Variants in PISD observed in about 807,000 individuals in gnomAD.
PISD encodes phosphatidylserine decarboxylase, also known as phosphatidylserine decarboxylase proenzyme, mitochondrial.
Under a neutral mutation model 43.5 loss-of-function variants are expected in PISD, and 31 were observed. That is an observed-to-expected ratio of 0.71 (90% CI 0.54 to 0.96). The LOEUF (loss-of-function observed/expected upper bound fraction) is 0.96, where lower values mean the gene tolerates loss of function less well. Ranked by LOEUF, PISD falls within the 40% of genes least tolerant of loss-of-function variation. The probability of loss-of-function intolerance (pLI) is 0.00; values close to 1 mark genes in which losing one functional copy is unlikely to be tolerated. For missense variants in PISD, 523 were observed against 548.4 expected (o/e 0.95, Z 0.46); for synonymous variants, 259 against 228.7 (o/e 1.13, Z -1.20).
chr22:31,637,155 A>T (rs1362705745), intron 3 of PISD, among the ~76,000 whole-genome samples: 4 of 44,794 alleles, frequency 8.9e-5, no homozygotes, highest in Non-Finnish European at 1.7e-4. Context: ...AAAAAAAAAA[A>T]AAAAAAAAAA....
intron 3 of PISD, among the ~76,000 whole-genome samples, chr22:31,646,549 T>C (rs1601426132): frequency 6.6e-6 from 1 of 152,232 alleles, no homozygotes; most frequent in Non-Finnish European, 1.5e-5. Flanking sequence ...TCCAAATTTA[T>C]ATTCTTTTGG....
intron 3 of PISD, among the ~76,000 whole-genome samples, chr22:31,646,997 T>G (rs550067635): frequency 7.1e-4 from 108 of 152,180 alleles, no homozygotes; most frequent in African/African-American, 2.4e-3. Context: ...CATAGCTGGA[T>G]CTGTATGGCC....
At chr22:31,648,335 C>T (rs1283587848) in intron 2 of PISD, 59 bp from the exon 3 acceptor site, 6 of 1,438,154 alleles carry the variant, frequency 4.2e-6, no homozygotes, top group Non-Finnish European at 5.7e-6. Context: ...AAGAGTCATG[C>T]AAACACAGCA....
intron 1 of PISD, among the ~76,000 whole-genome samples, chr22:31,654,210 T>C (rs1453714598): frequency 6.6e-6 from 1 of 152,180 alleles, no homozygotes; most frequent in Non-Finnish European, 1.5e-5. Flanking sequence ...ATGACACAGT[T>C]GATCCTTCTC....
intron 3 of PISD, among the ~76,000 whole-genome samples, chr22:31,644,754 A>G (rs1334276821): frequency 6.6e-6 from 1 of 152,228 alleles, no homozygotes; most frequent in Non-Finnish European, 1.5e-5. Context: ...ATCCAAAATC[A>G]GAGACTTTTT....
chr22:31,625,060 A>C (rs189343115), intron 3 of PISD, among the ~76,000 whole-genome samples: 1 of 152,314 alleles, frequency 6.6e-6, no homozygotes, highest in East Asian at 1.9e-4. Flanking sequence ...CATTTAGCTA[A>C]TCTACGGCTG....
intron 2 of PISD, among the ~76,000 whole-genome samples, chr22:31,649,143 C>A (rs901395858): frequency 6.6e-6 from 1 of 152,084 alleles, no homozygotes; most frequent in African/African-American, 2.4e-5. Flanking sequence ...TTGCTTGAAC[C>A]CAGGAGTTCA....
At chr22:31,624,743 A>C (rs2072790849) in intron 3 of PISD, among the ~76,000 whole-genome samples, 1 of 149,824 alleles carries the variant, frequency 6.7e-6, no homozygotes, top group African/African-American at 2.5e-5. Context: ...ACACACACAC[A>C]CACACACACA....
chr22:31,635,168 A>AAAAACAAAAC (rs75918790), intron 3 of PISD, among the ~76,000 whole-genome samples: 54 of 151,990 alleles, frequency 3.6e-4, no homozygotes, highest in African/African-American at 1.1e-3. Flanking sequence ...CTCCGTCTCA[A>AAAAACAAAAC]AAAACAAAAC....
intron 3 of PISD, chr22:31,628,017 A>C (rs1402343947): frequency 1.0e-6 from 1 of 985,098 alleles, no homozygotes; most frequent in Non-Finnish European, 1.2e-6. Context: ...CAGTGAGCCC[A>C]GTGAGGGCAG....
intron 5 of PISD, 37 bp from the exon 6 acceptor site, chr22:31,621,179 AGTGAGCACCCAGCACG>A: frequency 6.2e-7 from 1 of 1,613,634 alleles, no homozygotes; most frequent in Non-Finnish European, 8.5e-7. Context: ...CCACCAACAC[AGTGAGCACCCAGCACG>A]GAGCCCGAGT....
intron 3 of PISD, among the ~76,000 whole-genome samples, chr22:31,646,082 G>GT (rs2073880584): frequency 6.6e-6 from 1 of 151,954 alleles, no homozygotes; most frequent in South Asian, 2.1e-4. Flanking sequence ...CTCATAAAAT[G>GT]AAGTGTTGGA....
intron 7 of PISD, among the ~76,000 whole-genome samples, 174 bp from the exon 8 acceptor site, chr22:31,620,010 A>C (rs1309985822): frequency 6.6e-6 from 1 of 152,178 alleles, no homozygotes; most frequent in Non-Finnish European, 1.5e-5. Flanking sequence ...CTCTAGCCAG[A>C]TCTCACACAC....
chr22:31,619,940 A>G, intron 7 of PISD, 104 bp from the exon 8 acceptor site: 1 of 741,670 alleles, frequency 1.3e-6, no homozygotes, highest in Non-Finnish European at 2.2e-6. Context: ...TGTCCCCACC[A>G]CCACCCAACC....
At chr22:31,644,949 CCT>C (rs904409971) in intron 3 of PISD, among the ~76,000 whole-genome samples, 42 of 152,064 alleles carry the variant, frequency 2.8e-4, no homozygotes, top group African/African-American at 8.4e-4. Context: ...AGGGTGAACC[CCT>C]GTCTCTACTA....
At position 31,630,979 on chromosome 22, in the gene PISD, C is replaced by G. The variant is rs903275656; in HGVS notation, c.322-9094G>C. ...CCGCCCCCTCTGAGCCCCAGTCCTG[C>G]TGGGCCGTCCGCCCAACCCGAGGGC... On this transcript the variant is annotated intron_variant, in intron 3 of 7. Coordinates refer to ENST00000439502, the MANE Select transcript of PISD (RefSeq NM_001326411.2). The surrounding 1 kb of genome is among the most constrained non-coding windows in gnomAD (Gnocchi z 4.4). The G allele has an allele frequency of 5.6e-6, 3 of 540,392 alleles. No individual in the cohort carries two copies. In the Admixed American group the frequency reaches 1.9e-4, roughly 34 times the overall value. The allele number at this position is 540,392 out of a possible 1,614,324, so 33.5% of individuals were successfully genotyped here.
At chr22:31,655,995 C>G (rs1010160196) in intron 1 of PISD, among the ~76,000 whole-genome samples, 1 of 151,692 alleles carries the variant, frequency 6.6e-6, no homozygotes, top group Non-Finnish European at 1.5e-5. Flanking sequence ...ACTGGCAAGG[C>G]AATGAAAACT....
At chr22:31,655,856 C>T (rs1047467720) in intron 1 of PISD, among the ~76,000 whole-genome samples, 8 of 151,624 alleles carry the variant, frequency 5.3e-5, no homozygotes, top group Non-Finnish European at 8.8e-5. Context: ...AGGCTGGGCT[C>T]GAACTCCTGA....
intron 3 of PISD, among the ~76,000 whole-genome samples, chr22:31,640,843 A>G (rs966811948): frequency 1.6e-4 from 21 of 130,454 alleles, no homozygotes; most frequent in Non-Finnish European, 2.8e-4. Context: ...GGCCTCCCAA[A>G]GTGCTGGGAT....
Sources: gnomAD v4.1 joint callset for allele counts (sites outside exome capture counted in the v4.1 genomes callset) on GRCh38, gnomAD v4.1.1 for gene constraint, Gnocchi (gnomAD v3.1) non-coding constraint, MANE v1.5 for transcripts, NCBI Gene and HGNC (gene_info 2026-07-23, HGNC 2026-07-21) for gene names.